Variants in E2F3 observed in about 807,000 individuals in gnomAD.
The protein encoded by E2F3 is E2F transcription factor 3, also known as transcription factor E2F3.
In E2F3, 11 loss-of-function variants were observed where a neutral mutation model predicts 44.4. The ratio of observed to expected loss-of-function variants is 0.25; its 90% CI spans 0.16 to 0.41. The LOEUF is 0.41. Among genes scored for constraint, E2F3 ranks in the 10% least tolerant of loss-of-function variants. E2F3 has a pLI of 1.00. For synonymous variants in E2F3, 249 were observed against 253.0 expected (o/e 0.98, Z 0.15); for missense variants, 487 against 583.6 (o/e 0.83, Z 1.70).
chr6:20,426,819 A>G (rs899613240), intron 1 of E2F3, among the ~76,000 whole-genome samples: 1 of 152,154 alleles, frequency 6.6e-6, no homozygotes, highest in African/African-American at 2.4e-5. Flanking sequence ...CCCCAATACA[A>G]CTGCCCTGGC....
intron 1 of E2F3, among the ~76,000 whole-genome samples, chr6:20,472,068 A>ACACACACACACACACT (rs1320530650): frequency 7.5e-5 from 11 of 147,628 alleles, no homozygotes; most frequent in African/African-American, 2.8e-4. Context: ...ACACACACAC[A>ACACACACACACACACT]CTCACATCTA....
At chr6:20,456,716 A>G (rs530757069) in intron 1 of E2F3, among the ~76,000 whole-genome samples, 103 of 152,248 alleles carry the variant, frequency 6.8e-4, no homozygotes, top group Non-Finnish European at 1.2e-3. Context: ...AATAATTTTA[A>G]TTTATAAATA....
At chr6:20,408,465 G>A (rs902058393) in intron 1 of E2F3, among the ~76,000 whole-genome samples, 16 of 152,282 alleles carry the variant, frequency 1.1e-4, no homozygotes, top group Non-Finnish European at 2.2e-4. Context: ...AGGAATGTAC[G>A]TTCTTTCCCC....
intron 1 of E2F3, among the ~76,000 whole-genome samples, chr6:20,433,478 C>A (rs1487655332): frequency 6.6e-6 from 1 of 152,170 alleles, no homozygotes; most frequent in Non-Finnish European, 1.5e-5. Flanking sequence ...AGGCACTAAA[C>A]CACAGTAGAA....
intron 1 of E2F3, among the ~76,000 whole-genome samples, chr6:20,445,842 A>G (rs1010637833): frequency 6.6e-6 from 1 of 152,258 alleles, no homozygotes; most frequent in East Asian, 1.9e-4. Flanking sequence ...TAATTTAAAA[A>G]CAAGTAAGAT....
chr6:20,482,643 C>A, intron 3 of E2F3, 119 bp from the exon 4 acceptor site: 3 of 704,582 alleles, frequency 4.3e-6, no homozygotes, highest in Non-Finnish European at 4.4e-6. Flanking sequence ...CTAATTTTAA[C>A]ACTTGGCTAA....
chr6:20,419,668 C>A (rs1467351238), intron 1 of E2F3, among the ~76,000 whole-genome samples: 2 of 150,490 alleles, frequency 1.3e-5, no homozygotes, highest in African/African-American at 4.9e-5. Flanking sequence ...GGTGTTCAAG[C>A]AATTCTCCTG....
chr6:20,439,452 T>C (rs1407357318), intron 1 of E2F3, among the ~76,000 whole-genome samples: 1 of 152,216 alleles, frequency 6.6e-6, no homozygotes, highest in East Asian at 1.9e-4. Context: ...CTCCATTAGA[T>C]CTGATTTTAA....
intron 1 of E2F3, among the ~76,000 whole-genome samples, chr6:20,470,357 C>T (rs1190453749): frequency 1.3e-5 from 2 of 152,214 alleles, no homozygotes; most frequent in Admixed American, 6.5e-5. Flanking sequence ...CCATGCAGGG[C>T]TTGGTACATA....
chr6:20,422,616 T>C (rs1340475673), intron 1 of E2F3, among the ~76,000 whole-genome samples: 2 of 152,190 alleles, frequency 1.3e-5, no homozygotes, highest in East Asian at 3.8e-4. Context: ...GATTCTTCCT[T>C]TCACCTGAAC....
At chr6:20,410,412 CT>C (rs1401779796) in intron 1 of E2F3, among the ~76,000 whole-genome samples, 1 of 152,170 alleles carries the variant, frequency 6.6e-6, no homozygotes, top group African/African-American at 2.4e-5. Flanking sequence ...GAAACTTGGC[CT>C]CTATGTTTTC....
At chr6:20,408,899 T>C (rs76503384) in intron 1 of E2F3, among the ~76,000 whole-genome samples, 2,825 of 152,352 alleles carry the variant, frequency 0.019, 87 homozygotes, top group African/African-American at 0.063. Context: ...TAGGTTGGCA[T>C]GGGCAATAGT....
chr6:20,469,090 A>T (rs1355646517), intron 1 of E2F3, among the ~76,000 whole-genome samples: 5 of 152,208 alleles, frequency 3.3e-5, no homozygotes, highest in Non-Finnish European at 5.9e-5. Flanking sequence ...GGTGAGGGCA[A>T]ATGGTGCCAA....
intron 1 of E2F3, among the ~76,000 whole-genome samples, chr6:20,430,045 T>G (rs1760347873): frequency 6.6e-6 from 1 of 152,170 alleles, no homozygotes; most frequent in African/African-American, 2.4e-5. Flanking sequence ...CTGTAGTTAA[T>G]CAAAGTTAAA....
intron 1 of E2F3, among the ~76,000 whole-genome samples, chr6:20,412,008 C>G (rs887913159): frequency 6.6e-6 from 1 of 152,162 alleles, no homozygotes; most frequent in South Asian, 2.1e-4. Context: ...GCTTGGTACC[C>G]CATTAGTCCT....
chr6:20,424,336 G>A (rs1006078984), intron 1 of E2F3, among the ~76,000 whole-genome samples: 1 of 143,548 alleles, frequency 7.0e-6, no homozygotes, highest in African/African-American at 2.6e-5. Context: ...CCCCACGCAT[G>A]CACTTGAAAT....
chr6:20,411,778 G>A (rs1308496276), intron 1 of E2F3, among the ~76,000 whole-genome samples: 1 of 152,188 alleles, frequency 6.6e-6, no homozygotes. Flanking sequence ...CCAGGGGCTT[G>A]GGCCTCTCCC....
chr6:20,467,535 C>G (rs935984716), intron 1 of E2F3, among the ~76,000 whole-genome samples: 7 of 152,114 alleles, frequency 4.6e-5, no homozygotes, highest in Non-Finnish European at 1.0e-4. Flanking sequence ...TTGCCCTTTC[C>G]TGACACTGCC....
intron 1 of E2F3, among the ~76,000 whole-genome samples, chr6:20,433,958 G>T (rs1221985230): frequency 6.6e-6 from 1 of 152,178 alleles, no homozygotes; most frequent in Non-Finnish European, 1.5e-5. Flanking sequence ...CTGCTTCCCT[G>T]TGAATCTTCT....
Sources: allele counts gnomAD v4.1 joint callset (sites outside exome capture counted in the v4.1 genomes callset), GRCh38; gene constraint gnomAD v4.1.1; transcripts MANE v1.5; gene names NCBI Gene and HGNC (gene_info 2026-07-23, HGNC 2026-07-21).